The following FCHO2 variants were observed in gnomAD, a reference collection of about 807,000 sequenced individuals.
The protein encoded by FCHO2 is F-BAR domain only protein 2.
FCHO2 carries 43 observed loss-of-function variants against 114.1 expected under a neutral mutation model. The observed-to-expected ratio is 0.38, with a 90% CI of 0.30 to 0.49. FCHO2 has a LOEUF of 0.49. Ranked by LOEUF, FCHO2 falls within the 20% of genes least tolerant of loss-of-function variation. The probability of loss-of-function intolerance (pLI) is 0.97; values close to 1 mark genes in which losing one functional copy is unlikely to be tolerated. For synonymous variants in FCHO2, 293 were observed against 315.2 expected, an observed-to-expected ratio of 0.93 and a Z score of 0.75; for missense variants, 807 against 950.4, an observed-to-expected ratio of 0.85 and a Z score of 1.98.
chr5:73,038,822 A>C lies in FCHO2; in HGVS notation c.914+1607A>C, dbSNP rs1012693027. On this transcript the variant is annotated intron_variant, in intron 10 of 25. Coordinates refer to ENST00000430046, the MANE Select transcript of FCHO2 (RefSeq NM_138782.3). The stretch of plus-strand genomic sequence containing the variant: ...AAGGGGGTGAAACCTAATCTATTTT[A>C]TAATATTAGCAATACATATTGAAAT... 9.2e-5 allele frequency among the ~76,000 whole-genome samples: 14 copies of C among 152,316 alleles called. No homozygotes were observed. In the East Asian group the frequency reaches 2.7e-3, roughly 29 times the overall value.
At chr5:73,034,585 G>A (rs1330838738) in intron 8 of FCHO2, 72 bp from the exon 9 acceptor site, 5 of 1,201,564 alleles carry the variant, frequency 4.2e-6, no homozygotes, top group African/African-American at 1.6e-5. Flanking sequence ...AATTTAAAAT[G>A]TAAAAAAAAA....
At chr5:73,022,764 A>G (rs1362445129) in intron 8 of FCHO2, among the ~76,000 whole-genome samples, 5 of 152,226 alleles carry the variant, frequency 3.3e-5, no homozygotes, top group East Asian at 1.9e-4. Context: ...TTAACCTGGA[A>G]GGCTGGAATA....
At chr5:72,956,177 T>C in intron 1 of FCHO2, 48 bp downstream of exon 1, 1 of 1,521,434 alleles carries the variant, frequency 6.6e-7, no homozygotes, top group South Asian at 1.2e-5. Context: ...CCAAGGCTTT[T>C]GGCGCCTGAG....
intron 1 of FCHO2, among the ~76,000 whole-genome samples, chr5:72,963,564 A>C (rs1039312637): frequency 6.6e-6 from 1 of 151,422 alleles, no homozygotes; most frequent in Non-Finnish European, 1.5e-5. Context: ...TTTTTTTTAG[A>C]CAGGGTCTTC....
At chr5:72,961,854 G>A (rs1270001866) in intron 1 of FCHO2, among the ~76,000 whole-genome samples, 4 of 152,088 alleles carry the variant, frequency 2.6e-5, no homozygotes, top group African/African-American at 7.2e-5. Flanking sequence ...GCCTCCCAAA[G>A]TGCTGGGATT....
intron 5 of FCHO2, among the ~76,000 whole-genome samples, chr5:72,995,380 C>G (rs147110691): frequency 6.6e-6 from 1 of 151,782 alleles, no homozygotes; most frequent in South Asian, 2.1e-4. Flanking sequence ...CTCAGCCTCC[C>G]GAGTAGTTGG....
chr5:72,981,269 G>T (rs984204058), intron 2 of FCHO2, among the ~76,000 whole-genome samples: 1 of 152,048 alleles, frequency 6.6e-6, no homozygotes, highest in African/African-American at 2.4e-5. Flanking sequence ...TTGAAAATTG[G>T]CCCCCACTGT....
At chr5:73,043,441 A>G (rs1029002579) in intron 11 of FCHO2, among the ~76,000 whole-genome samples, 1 of 152,168 alleles carries the variant, frequency 6.6e-6, no homozygotes, top group Non-Finnish European at 1.5e-5. Context: ...ATTAGTGTGT[A>G]TATGTGTGTG....
intron 6 of FCHO2, among the ~76,000 whole-genome samples, chr5:73,012,375 C>T (rs931411073): frequency 6.6e-6 from 1 of 152,052 alleles, no homozygotes; most frequent in Non-Finnish European, 1.5e-5. Flanking sequence ...GTAATCCCAG[C>T]GCTTTGGGAG....
At chr5:72,956,969 G>A (rs1233978453) in intron 1 of FCHO2, among the ~76,000 whole-genome samples, 2 of 151,772 alleles carry the variant, frequency 1.3e-5, no homozygotes, top group Non-Finnish European at 2.9e-5. Flanking sequence ...GGTATCTTTC[G>A]TGAATCCCAT....
chr5:72,987,363 G>A (rs991431190), intron 2 of FCHO2, among the ~76,000 whole-genome samples: 1 of 152,034 alleles, frequency 6.6e-6, no homozygotes, highest in African/African-American at 2.4e-5. Flanking sequence ...TTGAGACAGA[G>A]TTTCGCTCTT....
At chr5:73,081,728 A>C in intron 22 of FCHO2, 55 bp from the exon 23 acceptor site, 1 of 1,327,606 alleles carries the variant, frequency 7.5e-7, no homozygotes. Flanking sequence ...TGTCATTAAC[A>C]TGACTTCTTA....
intron 24 of FCHO2, among the ~76,000 whole-genome samples, chr5:73,085,230 T>C (rs1187881693): frequency 3.3e-5 from 5 of 152,084 alleles, no homozygotes; most frequent in Admixed American, 6.6e-5. Context: ...GTGCCTGTAG[T>C]GTCAGCTACT....
At chr5:72,981,350 G>A (rs995357659) in intron 2 of FCHO2, among the ~76,000 whole-genome samples, 3 of 152,122 alleles carry the variant, frequency 2.0e-5, no homozygotes, top group South Asian at 2.1e-4. Context: ...TGGGTAACCC[G>A]ACCTTTCTCT....
intron 10 of FCHO2, chr5:73,037,829 T>C (rs1413175690): frequency 1.4e-5 from 5 of 361,902 alleles, no homozygotes; most frequent in Non-Finnish European, 2.7e-5. Flanking sequence ...CGATCTTGGC[T>C]TACTGCATTC....
chr5:72,969,731 A>G (rs775240243), intron 2 of FCHO2, among the ~76,000 whole-genome samples: 2 of 152,206 alleles, frequency 1.3e-5, no homozygotes, highest in Non-Finnish European at 2.9e-5. Context: ...TTCTTTGGGT[A>G]GTGAGACAAT....
intron 2 of FCHO2, among the ~76,000 whole-genome samples, chr5:72,983,074 C>T (rs573110746): frequency 8.5e-5 from 13 of 152,054 alleles, no homozygotes; most frequent in Middle Eastern, 3.4e-3. Flanking sequence ...CCACCACACC[C>T]GGCTAATTTT....
At chr5:72,961,423 C>T (rs1271333805) in intron 1 of FCHO2, among the ~76,000 whole-genome samples, 3 of 152,000 alleles carry the variant, frequency 2.0e-5, no homozygotes, top group Non-Finnish European at 4.4e-5. Context: ...AGGATATGAT[C>T]CCATCAGATG....
At chr5:73,058,814 A>G (rs1387679828) in intron 17 of FCHO2, among the ~76,000 whole-genome samples, 1 of 152,192 alleles carries the variant, frequency 6.6e-6, no homozygotes, top group Non-Finnish European at 1.5e-5. Context: ...TAATTCAAAT[A>G]CAAAATATAT....
Sources: allele counts gnomAD v4.1 joint callset (sites outside exome capture counted in the v4.1 genomes callset), GRCh38; gene constraint gnomAD v4.1.1; transcripts MANE v1.5; gene names NCBI Gene and HGNC (gene_info 2026-07-23, HGNC 2026-07-21).